Variants in GJA5 observed in about 807,000 individuals in gnomAD.
The protein encoded by GJA5 is gap junction alpha-5 protein.
GJA5 carries 3 observed loss-of-function variants against 7.9 expected under a neutral mutation model. The ratio of observed to expected loss-of-function variants is 0.38; its 90% confidence interval spans 0.17 to 0.99. The LOEUF is 0.99. GJA5 is among the 50% of genes least tolerant of loss of function. GJA5 has a pLI of 0.38. For missense variants in GJA5, 390 were observed against 457.9 expected (o/e 0.85, Z 1.35); for synonymous variants, 193 against 181.0 (o/e 1.07, Z -0.53).
intron 1 of GJA5, among the ~76,000 whole-genome samples, chr1:147,768,893 C>G (rs1032882126): frequency 2.0e-5 from 3 of 152,242 alleles, no homozygotes; most frequent in African/African-American, 2.4e-5. Context: ...CCCACATCCT[C>G]TCTACATCTC....
chr1:147,771,253 G>A (rs375683412), intron 1 of GJA5, among the ~76,000 whole-genome samples: 1 of 152,102 alleles, frequency 6.6e-6, no homozygotes, highest in Non-Finnish European at 1.5e-5. Context: ...GCAGGTGGGA[G>A]TCAATACCAA....
rs1043806 is a variant in GJA5 at position 147,757,166 on chromosome 1, A to G, written c.*996T>C. On this transcript the variant is annotated 3_prime_UTR_variant, in exon 2 of 2. Transcript: ENST00000579774. ...TTTTTTCCACAAGGGGAATCTGAGA[A>G]GTACAATGCTTTCTTTGTTTTAACA... 29,110 of 152,126 alleles carry G rather than the reference A, an allele frequency of 0.19. 2,911 individuals carry two copies. The highest frequency in any genetic ancestry group is 0.23 in the Non-Finnish European group (15,366 of 67,974). The allele number at this position is 152,126 out of a possible 1,614,324, so 9.4% of individuals were successfully genotyped here.
At chr1:147,768,372 G>C (rs782601301) in intron 1 of GJA5, among the ~76,000 whole-genome samples, 18 of 152,168 alleles carry the variant, frequency 1.2e-4, no homozygotes, top group Non-Finnish European at 1.8e-4. Context: ...TTCGTGCTAG[G>C]ATAAATAATT....
At chr1:147,765,791 T>G (rs1553228106) in intron 1 of GJA5, among the ~76,000 whole-genome samples, 1 of 151,844 alleles carries the variant, frequency 6.6e-6, no homozygotes, top group African/African-American at 2.4e-5. Context: ...CCAAATGGGG[T>G]TGGGGATGTA....
Position 147,769,166 on chromosome 1 carries a change from C to A in GJA5, c.-34+4086G>T, listed in dbSNP as rs1415700589. On this transcript the variant is annotated intron_variant, in intron 1 of 1. Transcript: ENST00000430508. ...TCCCAGACTCTTCGGCCTCTGCCAT[C>A]ATTTGGCCAGAATTCACATATAGAA... Among the ~76,000 whole-genome samples the A allele has an allele frequency of 3.3e-5, 5 of 152,254 alleles. No individual in the cohort carries two copies. The East Asian group carries it at 9.6e-4, about 29-fold the overall frequency.
At position 147,758,061 on chromosome 1, in the gene GJA5, G is replaced by A. The variant is rs915088443; in HGVS notation, c.*101C>T. 1 of 861,130 alleles carries A rather than the reference G, an allele frequency of 1.2e-6. No homozygotes were observed. Among genetic ancestry groups the A allele is most frequent in the Admixed American group, 1.7e-5 (1 of 58,292 alleles). 53.3% of individuals were successfully genotyped at this position (861,130 alleles called of 1,614,324 possible). A position where few individuals can be genotyped will look rare whatever the true frequency, so the allele number is the denominator to read the frequency against. ...GAGACCCGGGGCTCAAAGGAGCCAA[G>A]CAGTGATGACAGTGAGAAAGCATCA... On this transcript the variant is annotated 3_prime_UTR_variant, in exon 2 of 2. Coordinates refer to ENST00000579774, the MANE Select transcript of GJA5 (RefSeq NM_181703.4).
chr1:147,760,329 C>T (rs1360279762), intron 1 of GJA5, among the ~76,000 whole-genome samples, 170 bp downstream of exon 1: 5 of 152,150 alleles, frequency 3.3e-5, no homozygotes, highest in African/African-American at 1.2e-4. Flanking sequence ...TTTGTCCAGC[C>T]ATGCCAAGTC....
intron 1 of GJA5, among the ~76,000 whole-genome samples, chr1:147,772,201 G>A (rs587599407): frequency 1.3e-4 from 20 of 152,264 alleles, no homozygotes; most frequent in Admixed American, 9.8e-4. Context: ...TTGCACCAGA[G>A]CCTTTTTCCA....
At chr1:147,771,453 G>A (rs1553229099) in intron 1 of GJA5, among the ~76,000 whole-genome samples, 1 of 152,144 alleles carries the variant, frequency 6.6e-6, no homozygotes, top group Non-Finnish European at 1.5e-5. Context: ...CCCTTCTCTA[G>A]TCCTTGTTCT....
intron 1 of GJA5, among the ~76,000 whole-genome samples, chr1:147,771,417 C>CAT (rs1664399233): frequency 6.6e-6 from 1 of 152,164 alleles, no homozygotes; most frequent in South Asian, 2.1e-4. Flanking sequence ...AGCCCTGACT[C>CAT]ACTGTGTCGT....
At chr1:147,766,271 A>G (rs1164998100) in intron 1 of GJA5, among the ~76,000 whole-genome samples, 4 of 152,284 alleles carry the variant, frequency 2.6e-5, no homozygotes, top group African/African-American at 9.6e-5. Context: ...TTAGTGCTCA[A>G]TACCACACCC....
chr1:147,759,260 AT>A lies in GJA5; in HGVS notation c.-23del. The A allele has an allele frequency of 6.7e-7, 1 of 1,493,682 alleles. No individual in the cohort carries two copies. Among genetic ancestry groups the A allele is most frequent in the Non-Finnish European group, 9.3e-7 (1 of 1,071,048 alleles). 92.5% of individuals were successfully genotyped at this position (1,493,682 alleles called of 1,614,324 possible). ...CCATCTTGGCACAGCCAGGGAACAG[AT>A]GCCAAAACTTCTGCAAATGGGAGAG... On this transcript the variant is annotated 5_prime_UTR_variant, in exon 2 of 2. Coordinates refer to ENST00000579774, the MANE Select transcript of GJA5 (RefSeq NM_181703.4).
chr1:147,766,254 A>G (rs1289756777), intron 1 of GJA5, among the ~76,000 whole-genome samples: 2 of 152,074 alleles, frequency 1.3e-5, no homozygotes, highest in African/African-American at 4.8e-5. Context: ...CCTCCACCCC[A>G]AACCCCTTAG....
At chr1:147,772,789 G>GAAAAA (rs10687653) in intron 1 of GJA5, among the ~76,000 whole-genome samples, 17,704 of 125,538 alleles carry the variant, frequency 0.14, 1,710 homozygotes, top group East Asian at 0.26. Flanking sequence ...GCCTTAGGGA[G>GAAAAA]AAAAAAAAAA....
chr1:147,762,061 G>A (rs1557946047), upstream of GJA5, among the ~76,000 whole-genome samples: 1 of 152,280 alleles, frequency 6.6e-6, no homozygotes, highest in African/African-American at 2.4e-5. Context: ...GAGATGATGC[G>A]TGCAAAGCAC....
upstream of GJA5, among the ~76,000 whole-genome samples, chr1:147,763,153 C>T (rs587630303): frequency 6.6e-6 from 1 of 152,332 alleles, no homozygotes; most frequent in East Asian, 1.9e-4. Context: ...ACCCATTTAT[C>T]TTGGCTTCTT....
At chr1:147,764,268 C>T (rs1210267388), upstream of GJA5, among the ~76,000 whole-genome samples, 7 of 152,200 alleles carry the variant, frequency 4.6e-5, no homozygotes, top group Admixed American at 4.6e-4. Context: ...TTGACCTCAG[C>T]CCTCTTTGGT....
upstream of GJA5, among the ~76,000 whole-genome samples, chr1:147,763,294 C>T (rs1447174516): frequency 2.0e-5 from 3 of 152,206 alleles, no homozygotes; most frequent in African/African-American, 7.2e-5. Context: ...AAGGGATTCC[C>T]TGACTTCACT....
chr1:147,766,591 G>T (rs1403870835), intron 1 of GJA5, among the ~76,000 whole-genome samples: 1 of 152,116 alleles, frequency 6.6e-6, no homozygotes, highest in Non-Finnish European at 1.5e-5. Flanking sequence ...GAATGAATGT[G>T]TCTCAAGCAG....
Sources: gnomAD v4.1 joint callset for allele counts (sites outside exome capture counted in the v4.1 genomes callset) on GRCh38, gnomAD v4.1.1 for gene constraint, MANE v1.5 for transcripts, NCBI Gene and HGNC (gene_info 2026-07-23, HGNC 2026-07-21) for gene names.